The following RBFOX1 variants were observed in gnomAD, a reference collection of about 807,000 sequenced individuals.
The protein encoded by RBFOX1 is RNA binding fox-1 homolog 1, also known as RNA binding protein fox-1 homolog 1.
RBFOX1 carries 8 observed loss-of-function variants against 57.7 expected under a neutral mutation model. That is an observed-to-expected ratio of 0.14 (90% CI 0.08 to 0.25). The LOEUF is 0.25. Among genes scored for constraint, RBFOX1 ranks in the 10% least tolerant of loss-of-function variants. The pLI, the probability that RBFOX1 is intolerant of heterozygous loss-of-function variation, is 1.00. For synonymous variants in RBFOX1, 326 were observed against 222.4 expected, an observed-to-expected ratio of 1.47 and a Z score of -4.15; for missense variants, 611 against 548.5, an observed-to-expected ratio of 1.11 and a Z score of -1.14.
chr16:6,215,330 GA>G (rs1313877506), intron 1 of RBFOX1, among the ~76,000 whole-genome samples: 3 of 142,212 alleles, frequency 2.1e-5, no homozygotes, highest in African/African-American at 7.9e-5. Context: ...ACAGAGAGGG[GA>G]GGGGGAGAAG....
chr16:5,645,776 C>T (rs1425838127), intron 3 of RBFOX1, among the ~76,000 whole-genome samples: 1 of 152,230 alleles, frequency 6.6e-6, no homozygotes, highest in African/African-American at 2.4e-5. Context: ...AGCAATCCTT[C>T]TGCCTCAGCT....
chr16:7,531,799 A>G (rs1467712682), intron 5 of RBFOX1, among the ~76,000 whole-genome samples: 2 of 152,174 alleles, frequency 1.3e-5, no homozygotes, highest in African/African-American at 4.8e-5. Context: ...AATTATGATA[A>G]TATCATTACA....
chr16:6,621,027 C>T (rs972138872), intron 2 of RBFOX1, among the ~76,000 whole-genome samples: 1 of 152,182 alleles, frequency 6.6e-6, no homozygotes, highest in Non-Finnish European at 1.5e-5. Flanking sequence ...GAATCTGATC[C>T]TTGCATCTCT....
intron 13 of RBFOX1, among the ~76,000 whole-genome samples, chr16:7,669,457 G>A (rs1363116032): frequency 1.3e-5 from 2 of 152,216 alleles, no homozygotes; most frequent in African/African-American, 4.8e-5. Context: ...GGTAAGAGCA[G>A]AGAGAAAGAG....
chr16:7,009,514 C>T (rs557371453), intron 3 of RBFOX1, among the ~76,000 whole-genome samples: 4 of 152,098 alleles, frequency 2.6e-5, no homozygotes, highest in African/African-American at 9.6e-5. Flanking sequence ...ATCCAACAGA[C>T]TTGCATTAAT....
chr16:6,253,629 GGATA>G (rs968769500), intron 1 of RBFOX1, among the ~76,000 whole-genome samples: 19 of 108,956 alleles, frequency 1.7e-4, no homozygotes, highest in Admixed American at 7.8e-4. Context: ...ATGGATGGAT[GGATA>G]GATAGATAAT....
intron 2 of RBFOX1, among the ~76,000 whole-genome samples, chr16:6,424,593 A>G (rs1345450706): frequency 1.6e-5 from 1 of 62,726 alleles, no homozygotes; most frequent in African/African-American, 5.1e-5. Flanking sequence ...ACCCTAGTAC[A>G]TCTTAAGAGC....
chr16:5,291,425 G>A (rs2063533133), intron 1 of RBFOX1, among the ~76,000 whole-genome samples: 2 of 152,100 alleles, frequency 1.3e-5, no homozygotes, highest in South Asian at 4.1e-4. Context: ...ACCACGCCCT[G>A]CTAATTTTTT....
At chr16:6,612,443 A>G (rs1270832826) in intron 2 of RBFOX1, among the ~76,000 whole-genome samples, 1 of 152,004 alleles carries the variant, frequency 6.6e-6, no homozygotes, top group African/African-American at 2.4e-5. Context: ...AATTACGTAT[A>G]TTGACTTATT....
chr16:6,289,772 T>C (rs1220537448), intron 1 of RBFOX1, among the ~76,000 whole-genome samples: 2 of 152,130 alleles, frequency 1.3e-5, no homozygotes, highest in African/African-American at 2.4e-5. Context: ...AACAAAATAA[T>C]GCAAATGTCT....
At chr16:6,077,111 G>A (rs937798322) in intron 1 of RBFOX1, among the ~76,000 whole-genome samples, 23 of 152,098 alleles carry the variant, frequency 1.5e-4, no homozygotes, top group Non-Finnish European at 2.4e-4. Context: ...AGAGGGAAAC[G>A]TAAAATGGGG....
chr16:7,389,598 A>G (rs2097955054), intron 4 of RBFOX1, among the ~76,000 whole-genome samples: 1 of 152,204 alleles, frequency 6.6e-6, no homozygotes, highest in South Asian at 2.1e-4. Flanking sequence ...TGGTAAGGCA[A>G]AACACTACCT....
chr16:5,863,590 A>G (rs912790813), intron 3 of RBFOX1, among the ~76,000 whole-genome samples: 8 of 152,200 alleles, frequency 5.3e-5, no homozygotes, highest in African/African-American at 1.7e-4. Flanking sequence ...CTTAGAAGGG[A>G]GTCTCTGAAT....
chr16:7,295,061 C>G (rs967173060), intron 4 of RBFOX1, among the ~76,000 whole-genome samples: 1 of 152,110 alleles, frequency 6.6e-6, no homozygotes, highest in East Asian at 1.9e-4. Flanking sequence ...ACATGTATTA[C>G]GCTTGTCAGT....
intron 12 of RBFOX1, among the ~76,000 whole-genome samples, chr16:7,661,689 C>T (rs186438995): frequency 3.2e-4 from 48 of 152,312 alleles, no homozygotes; most frequent in Admixed American, 1.8e-3. Context: ...CTTTCTTCTT[C>T]GGTCTTCATG....
intron 14 of RBFOX1, among the ~76,000 whole-genome samples, chr16:7,690,700 G>C (rs183243653): frequency 5.3e-5 from 8 of 152,092 alleles, no homozygotes; most frequent in Non-Finnish European, 7.4e-5. Context: ...TTTGGATATA[G>C]CGGAGACATT....
At chr16:6,703,116 T>G (rs552958342) in intron 3 of RBFOX1, among the ~76,000 whole-genome samples, 1 of 152,370 alleles carries the variant, frequency 6.6e-6, no homozygotes, top group South Asian at 2.1e-4. Context: ...GAATAATATT[T>G]CATTGTGAGA....
At chr16:6,608,484 A>G (rs2154021854) in intron 2 of RBFOX1, among the ~76,000 whole-genome samples, 1 of 152,302 alleles carries the variant, frequency 6.6e-6, no homozygotes, top group East Asian at 1.9e-4. Flanking sequence ...TCACAAGCTT[A>G]GTGACTTAAA....
intron 6 of RBFOX1, among the ~76,000 whole-genome samples, chr16:7,585,106 T>A (rs569047977): frequency 6.6e-6 from 1 of 152,226 alleles, no homozygotes; most frequent in African/African-American, 2.4e-5. Context: ...TGTAAATATA[T>A]GTGCTTCTAG....
Sources: allele counts gnomAD v4.1 joint callset (sites outside exome capture counted in the v4.1 genomes callset), GRCh38; gene constraint gnomAD v4.1.1; transcripts MANE v1.5; gene names NCBI Gene and HGNC (gene_info 2026-07-23, HGNC 2026-07-21).